The following MBD5 variants were observed in gnomAD, a reference collection of about 807,000 sequenced individuals.
The protein encoded by MBD5 is methyl-CpG binding domain protein 5, also known as methyl-CpG-binding domain protein 5.
MBD5 carries 13 observed loss-of-function variants against 117.3 expected under a neutral mutation model. That is an observed-to-expected ratio of 0.11 (90% CI 0.07 to 0.18). The LOEUF is 0.18. Ranked by LOEUF, MBD5 falls within the 10% of genes least tolerant of loss-of-function variation. The probability of loss-of-function intolerance (pLI) is 1.00; values close to 1 mark genes in which losing one functional copy is unlikely to be tolerated. For synonymous variants in MBD5, 727 were observed against 766.4 expected, an observed-to-expected ratio of 0.95 and a Z score of 0.85; for missense variants, 1,879 against 2,093.8, an observed-to-expected ratio of 0.90 and a Z score of 2.00.
intron 2 of MBD5, among the ~76,000 whole-genome samples, chr2:148,203,806 A>G (rs1432454424): frequency 6.6e-6 from 1 of 151,962 alleles, no homozygotes; most frequent in Non-Finnish European, 1.5e-5. Flanking sequence ...TATAAGCAAT[A>G]CCTGTAGCAA....
chr2:148,102,756 AG>A (rs1558926563), intron 1 of MBD5, among the ~76,000 whole-genome samples: 6 of 114,588 alleles, frequency 5.2e-5, no homozygotes, highest in South Asian at 3.2e-4. Flanking sequence ...AGAGAGAGAG[AG>A]AGAGGAAGAG....
At chr2:148,157,206 T>C (rs1697896274) in intron 1 of MBD5, among the ~76,000 whole-genome samples, 1 of 152,120 alleles carries the variant, frequency 6.6e-6, no homozygotes, top group Admixed American at 6.5e-5. Context: ...GTTACATAGG[T>C]ATACATGTGC....
intron 4 of MBD5, among the ~76,000 whole-genome samples, chr2:148,415,463 G>C (rs1210841305): frequency 6.6e-6 from 1 of 152,102 alleles, no homozygotes; most frequent in Non-Finnish European, 1.5e-5. Flanking sequence ...ATCTTGTATA[G>C]TGTCTTGCAG....
chr2:148,483,936 A>C lies in MBD5; in HGVS notation c.3345A>C (p.Ala1115=). The stretch of plus-strand genomic sequence containing the variant: ...TTTCCATAGCAACCTCCTCCCAGGC[A>C]ACCACTACCACAACCACTACATCAT... The part of the protein sequence containing the change: ...PEVSIATSSQ[A]TTTTTTTSSA... The change falls in exon 9 of 14, where the codon GCA becomes GCC. Residue 1115 remains alanine (A), a synonymous_variant. Transcript: ENST00000642680. The C allele has an allele frequency of 6.4e-7, 1 of 1,550,524 alleles. No individual in the cohort carries two copies. Among genetic ancestry groups the C allele is most frequent in the Non-Finnish European group, 8.7e-7 (1 of 1,146,944 alleles).
At chr2:148,311,899 C>T (rs946557936) in intron 3 of MBD5, among the ~76,000 whole-genome samples, 4 of 152,172 alleles carry the variant, frequency 2.6e-5, no homozygotes, top group Non-Finnish European at 2.9e-5. Context: ...GTTTCTCCTT[C>T]GCTTTGGAAG....
intron 4 of MBD5, among the ~76,000 whole-genome samples, chr2:148,407,795 C>A (rs959561007): frequency 1.3e-5 from 2 of 152,070 alleles, no homozygotes; most frequent in African/African-American, 4.8e-5. Context: ...TCATTTGTCC[C>A]TCTTGTTTTT....
At position 148,490,552 on chromosome 2, in the gene MBD5, C is replaced by A. The variant is rs768363712; in HGVS notation, c.4920C>A (p.Asp1640Glu). Residue 1640 changes from aspartate (D) to glutamate (E), a missense_variant, in exon 11 of 14, where the codon GAC (aspartate) becomes GAA (glutamate). This residue lies in a region of MBD5 where 135 missense variants were observed against 148.0 expected (regional missense o/e 0.91). Coordinates refer to ENST00000642680, the MANE Select transcript of MBD5 (RefSeq NM_001378120.1). ...TSWPGKLVRE[D>E]DVHNSCQQSP... is the part of the protein sequence containing the mutation. ...GGCCTGGAAAATTAGTAAGAGAAGA[C>A]GACGTTCACAATTCATGTCAACAAA... The A allele has an allele frequency of 6.2e-7, 1 of 1,614,042 alleles. No individual in the cohort carries two copies. Among genetic ancestry groups the A allele is most frequent in the African/African-American group, 1.3e-5 (1 of 74,906 alleles).
intron 6 of MBD5, among the ~76,000 whole-genome samples, chr2:148,463,112 C>T (rs1707146277): frequency 6.6e-6 from 1 of 152,050 alleles, no homozygotes; most frequent in Non-Finnish European, 1.5e-5. Flanking sequence ...AACTGTTTTA[C>T]TCATTTGCAA....
chr2:148,398,283 G>A (rs1559054574), intron 4 of MBD5, among the ~76,000 whole-genome samples: 1 of 152,150 alleles, frequency 6.6e-6, no homozygotes, highest in Non-Finnish European at 1.5e-5. Context: ...GTGTAAAAGT[G>A]TTCCTATTTT....
intron 2 of MBD5, among the ~76,000 whole-genome samples, chr2:148,202,942 G>C (rs1463695642): frequency 6.6e-6 from 1 of 151,716 alleles, no homozygotes; most frequent in Non-Finnish European, 1.5e-5. Context: ...GTCTCTACTA[G>C]AAATACAAAA....
chr2:148,470,529 C>T, intron 8 of MBD5, 68 bp downstream of exon 8: 1 of 1,214,380 alleles, frequency 8.2e-7, no homozygotes, highest in Non-Finnish European at 1.1e-6. Flanking sequence ...AAATTTGTAC[C>T]AAAATATTTA....
intron 3 of MBD5, among the ~76,000 whole-genome samples, chr2:148,278,539 C>T (rs1450875724): frequency 6.6e-6 from 1 of 152,076 alleles, no homozygotes; most frequent in East Asian, 1.9e-4. Context: ...TATATTAAGG[C>T]CATCATTTTA....
intron 1 of MBD5, among the ~76,000 whole-genome samples, chr2:148,023,736 T>A (rs1017297518): frequency 1.3e-5 from 2 of 152,102 alleles, no homozygotes; most frequent in African/African-American, 4.8e-5. Flanking sequence ...AAATTTAGTC[T>A]TGAGTTTAAT....
At chr2:148,162,556 CTT>C (rs1698032536) in intron 1 of MBD5, among the ~76,000 whole-genome samples, 1 of 152,164 alleles carries the variant, frequency 6.6e-6, no homozygotes, top group East Asian at 1.9e-4. Context: ...GATGACATCT[CTT>C]TTCTTTTTTT....
intron 3 of MBD5, among the ~76,000 whole-genome samples, chr2:148,241,496 T>C (rs569704208): frequency 1.3e-5 from 2 of 152,058 alleles, no homozygotes; most frequent in Non-Finnish European, 2.9e-5. Flanking sequence ...TTCCACTGGG[T>C]TTTTTGGAGT....
chr2:148,505,247 CA>C (rs1051610592), intron 12 of MBD5, among the ~76,000 whole-genome samples: 3 of 152,090 alleles, frequency 2.0e-5, no homozygotes, highest in Admixed American at 2.0e-4. Flanking sequence ...GTGGAGGTTA[CA>C]GGGGGAAGCT....
intron 1 of MBD5, among the ~76,000 whole-genome samples, chr2:148,105,027 A>G (rs1696331368): frequency 6.6e-6 from 1 of 152,124 alleles, no homozygotes; most frequent in African/African-American, 2.4e-5. Flanking sequence ...TGTTGAGCCC[A>G]TTTCTTTCAT....
At chr2:148,414,380 A>G (rs1327567306) in intron 4 of MBD5, among the ~76,000 whole-genome samples, 1 of 152,218 alleles carries the variant, frequency 6.6e-6, no homozygotes, top group Non-Finnish European at 1.5e-5. Context: ...TCTTACAGCC[A>G]AATGTGCAGT....
intron 3 of MBD5, among the ~76,000 whole-genome samples, chr2:148,272,012 T>C (rs577855551): frequency 6.6e-6 from 1 of 152,334 alleles, no homozygotes; most frequent in African/African-American, 2.4e-5. Flanking sequence ...CTTTTTTAGA[T>C]TCCACATGTA....
Sources: allele counts gnomAD v4.1 joint callset (sites outside exome capture counted in the v4.1 genomes callset), GRCh38; gene constraint gnomAD v4.1.1; regional missense constraint gnomAD v4.1.1; transcripts MANE v1.5; gene names NCBI Gene and HGNC (gene_info 2026-07-23, HGNC 2026-07-21).